Variants in FGL1 observed in about 807,000 individuals in gnomAD.
FGL1 encodes the protein fibrinogen like 1, also known as fibrinogen-like protein 1.
FGL1 carries 59 observed loss-of-function variants against 43.7 expected under a neutral mutation model. The ratio of observed to expected loss-of-function variants is 1.35; its 90% CI spans 1.10 to 1.68. The LOEUF (loss-of-function observed/expected upper bound fraction) is 1.68, where lower values mean the gene tolerates loss of function less well. Ranked by LOEUF, FGL1 falls within the 40% of genes most tolerant of loss-of-function variation. FGL1 has a pLI of 0.00. For missense variants in FGL1, 596 were observed against 373.0 expected, an observed-to-expected ratio of 1.60 and a Z score of -4.92; for synonymous variants, 192 against 126.5, an observed-to-expected ratio of 1.52 and a Z score of -3.48.
At chr8:17,875,182 T>C (rs1230152258) in intron 3 of FGL1, among the ~76,000 whole-genome samples, 6 of 152,210 alleles carry the variant, frequency 3.9e-5, no homozygotes, top group African/African-American at 1.4e-4. Context: ...TAAAAATCTT[T>C]ATTATTATAC....
chr8:17,881,153 T>G (rs1408950762), intron 3 of FGL1, among the ~76,000 whole-genome samples: 1 of 133,084 alleles, frequency 7.5e-6, no homozygotes, highest in African/African-American at 2.6e-5. Flanking sequence ...TTTTTTTTTT[T>G]TGAGACAGAG....
chr8:17,875,673 C>A (rs1316812744), intron 3 of FGL1, among the ~76,000 whole-genome samples: 1 of 151,318 alleles, frequency 6.6e-6, no homozygotes, highest in South Asian at 2.1e-4. Context: ...GGTGCTATTT[C>A]GGCTCACTAC....
At chr8:17,892,935 C>T (rs2053725519) in intron 1 of FGL1, among the ~76,000 whole-genome samples, 1 of 152,184 alleles carries the variant, frequency 6.6e-6, no homozygotes, top group East Asian at 1.9e-4. Context: ...CGTGGTGGCT[C>T]ATGCCTGTAA....
rs376579189 is a variant in FGL1, at chr8:17,885,574, G to T, written c.-17-3C>A. ...TGCCATGTTCCCCCTTGAAAAAACT[G>T]CAAGAACAAAAAGAATTTTATAAAT... On this transcript the variant is annotated splice_region_variant and splice_polypyrimidine_tract_variant and intron_variant, in intron 1 of 7. Transcript: ENST00000427924. 6.2e-7 allele frequency: 1 copy of T among 1,611,810 alleles called. No individual in the cohort carries two copies. Among genetic ancestry groups the T allele is most frequent in the East Asian group, 2.2e-5 (1 of 44,804 alleles).
rs766800219 is a variant in FGL1 at position 17,882,028 on chromosome 8, A to G, written c.215T>C (p.Ile72Thr). The G allele has an allele frequency of 1.2e-6, 2 of 1,613,834 alleles. No homozygotes were observed. Among genetic ancestry groups the G allele is most frequent in the Non-Finnish European group, 1.7e-6 (2 of 1,179,950 alleles). Residue 72 changes from isoleucine (I) to threonine (T), a missense_variant, in exon 3 of 8, where the codon ATT (isoleucine) becomes ACT (threonine). Physicochemically the swap from Ile to Thr is moderately conservative, Grantham distance 89 (BLOSUM62 -1). Coordinates refer to ENST00000427924, the MANE Select transcript of FGL1 (RefSeq NM_004467.4). ...ATACTGCCTCTTGCTTCCAAGATCA[A>G]TGACAGTATTCTCATCTCCTTTATC... is the stretch of plus-strand genomic sequence containing the variant. ...FLDKGDENTVIDLGSKRQYAD... is the reference protein window; with the variant it reads ...FLDKGDENTVTDLGSKRQYAD...
chr8:17,885,779 C>A, intron 1 of FGL1: 1 of 504,830 alleles, frequency 2.0e-6, no homozygotes, highest in Admixed American at 3.4e-5. Context: ...TGTTTCATCA[C>A]AAAAACAGAG....
intron 5 of FGL1, among the ~76,000 whole-genome samples, chr8:17,870,259 G>A (rs1390527060): frequency 2.0e-5 from 3 of 152,044 alleles, no homozygotes; most frequent in African/African-American, 4.8e-5. Flanking sequence ...CGATATAAGA[G>A]CATTATGTTT....
At chr8:17,871,909 AT>A (rs1488476321) in intron 5 of FGL1, among the ~76,000 whole-genome samples, 1 of 152,226 alleles carries the variant, frequency 6.6e-6, no homozygotes, top group Admixed American at 6.5e-5. Flanking sequence ...AACTTAAAAA[AT>A]AATACGTTTG....
intron 1 of FGL1, among the ~76,000 whole-genome samples, chr8:17,888,718 A>T (rs1434436084): frequency 6.6e-6 from 1 of 152,232 alleles, no homozygotes; most frequent in Admixed American, 6.5e-5. Context: ...GATATAAATC[A>T]ATAGTCAATA....
chr8:17,871,685 T>A (rs2053363582), intron 5 of FGL1, among the ~76,000 whole-genome samples: 1 of 152,192 alleles, frequency 6.6e-6, no homozygotes, highest in African/African-American at 2.4e-5. Context: ...AGGTAATTCA[T>A]TAATTCATTA....
At chr8:17,881,613 C>A (rs1333789288) in intron 3 of FGL1, among the ~76,000 whole-genome samples, 1 of 151,332 alleles carries the variant, frequency 6.6e-6, no homozygotes, top group East Asian at 2.0e-4. Flanking sequence ...GCAGGCGAAT[C>A]ACAAGGTCAG....
intron 7 of FGL1, among the ~76,000 whole-genome samples, chr8:17,866,193 T>C (rs372995266): frequency 9.5e-4 from 144 of 152,310 alleles, no homozygotes; most frequent in African/African-American, 3.3e-3. Flanking sequence ...TGAGACCAGT[T>C]TTCTAGCATC....
chr8:17,876,549 TA>T (rs2053458944), intron 3 of FGL1, among the ~76,000 whole-genome samples: 1 of 152,202 alleles, frequency 6.6e-6, no homozygotes. Flanking sequence ...TTTTGGCAAT[TA>T]AACAAGAAGC....
chr8:17,891,553 A>C, intron 1 of FGL1: 7 of 318,832 alleles, frequency 2.2e-5, no homozygotes, highest in Non-Finnish European at 2.7e-5. Context: ...CAAAGACCCT[A>C]TTTGCAAATG....
chr8:17,885,389 G>C, intron 2 of FGL1, 103 bp downstream of exon 2: 1 of 982,796 alleles, frequency 1.0e-6, no homozygotes, highest in Non-Finnish European at 1.5e-6. Flanking sequence ...ACATAGTTAA[G>C]TTTTTTCAAT....
chr8:17,866,104 A>G (rs2053265843), intron 7 of FGL1, among the ~76,000 whole-genome samples: 1 of 152,212 alleles, frequency 6.6e-6, no homozygotes. Flanking sequence ...TCTGCTAACT[A>G]TATTTTTATA....
Position 17,864,599 on chromosome 8 carries a change from AC to A in FGL1, c.931del (p.Val311Ter). On this transcript the variant is annotated frameshift_variant, in exon 8 of 8. Coordinates refer to ENST00000427924, the MANE Select transcript of FGL1 (RefSeq NM_004467.4). LOFTEE classifies it high-confidence loss of function. ...AAAGCCCAACAGCAGCAATTAAATTACATTTGGAATAAAATCATTTGGCCTA... is the reference window on the plus strand; with the variant it reads ...AAAGCCCAACAGCAGCAATTAAATTAATTTGGAATAAAATCATTTGGCCTA... ...KIRPNDFIPN[V>X]I 6.2e-7 allele frequency: 1 copy of A among 1,603,272 alleles called. No homozygotes were observed. The highest frequency in any genetic ancestry group is 8.5e-7 in the Non-Finnish European group (1 of 1,177,486).
At chr8:17,885,310 A>C (rs1436234575) in intron 2 of FGL1, among the ~76,000 whole-genome samples, 182 bp downstream of exon 2, 1 of 152,014 alleles carries the variant, frequency 6.6e-6, no homozygotes, top group African/African-American at 2.4e-5. Context: ...CCCCTGCAAA[A>C]ATGTAAAGCG....
intron 7 of FGL1, among the ~76,000 whole-genome samples, chr8:17,866,570 C>T (rs953558676): frequency 6.6e-6 from 1 of 152,208 alleles, no homozygotes; most frequent in Admixed American, 6.5e-5. Flanking sequence ...GCCTTATCAA[C>T]CCCTTTGATT....
Sources: gnomAD v4.1 joint callset for allele counts (sites outside exome capture counted in the v4.1 genomes callset) on GRCh38, gnomAD v4.1.1 for gene constraint, MANE v1.5 for transcripts, NCBI Gene and HGNC (gene_info 2026-07-23, HGNC 2026-07-21) for gene names.